PLEKHM3: variants seen among roughly 807,000 people sequenced by gnomAD.
PLEKHM3 encodes the protein pleckstrin homology domain-containing family M member 3.
In PLEKHM3, 45 loss-of-function variants were observed where a neutral mutation model predicts 81.8. The observed-to-expected ratio is 0.55, with a 90% CI of 0.43 to 0.71. The LOEUF is 0.71. Among genes scored for constraint, PLEKHM3 ranks in the 30% least tolerant of loss-of-function variants. PLEKHM3 has a pLI of 0.00. For synonymous variants in PLEKHM3, 352 were observed against 356.4 expected (o/e 0.99, Z 0.14); for missense variants, 788 against 924.3 (o/e 0.85, Z 1.91).
At chr2:207,892,268 T>C (rs183094582) in intron 6 of PLEKHM3, among the ~76,000 whole-genome samples, 95 of 152,356 alleles carry the variant, frequency 6.2e-4, no homozygotes, top group African/African-American at 2.2e-3. Context: ...GCGGTGCTCA[T>C]CATCATTTTT....
At chr2:207,901,048 C>G in intron 6 of PLEKHM3, 1 of 567,604 alleles carries the variant, frequency 1.8e-6, no homozygotes, top group Non-Finnish European at 3.1e-6. Flanking sequence ...ACAGCTGCAG[C>G]CTCAACCGGT....
intron 6 of PLEKHM3, among the ~76,000 whole-genome samples, chr2:207,865,075 A>G (rs2092488087): frequency 6.6e-6 from 1 of 152,118 alleles, no homozygotes; most frequent in Non-Finnish European, 1.5e-5. Flanking sequence ...CTAGTATTAT[A>G]TCTCTTGTTT....
At chr2:207,919,537 A>C (rs919581990) in intron 5 of PLEKHM3, among the ~76,000 whole-genome samples, 1 of 152,152 alleles carries the variant, frequency 6.6e-6, no homozygotes, top group Non-Finnish European at 1.5e-5. Flanking sequence ...AGTGGTGAAA[A>C]GTGGATAGAT....
chr2:207,906,558 G>A (rs1435479928), intron 6 of PLEKHM3, among the ~76,000 whole-genome samples: 1 of 152,194 alleles, frequency 6.6e-6, no homozygotes, highest in Non-Finnish European at 1.5e-5. Flanking sequence ...GGAGGCTGAG[G>A]CAGGCGGATC....
At chr2:207,897,700 C>T (rs1250065128) in intron 6 of PLEKHM3, among the ~76,000 whole-genome samples, 1 of 152,190 alleles carries the variant, frequency 6.6e-6, no homozygotes, top group East Asian at 1.9e-4. Context: ...GAGACCTTTG[C>T]TCCAGGCAGA....
chr2:208,010,610 CA>C (rs1692657501), intron 1 of PLEKHM3, among the ~76,000 whole-genome samples: 1 of 152,182 alleles, frequency 6.6e-6, no homozygotes, highest in African/African-American at 2.4e-5. Context: ...ACAGGAGTCA[CA>C]GGTGAGGTGC....
At chr2:207,862,596 C>G (rs1324878189) in intron 6 of PLEKHM3, among the ~76,000 whole-genome samples, 1 of 152,056 alleles carries the variant, frequency 6.6e-6, no homozygotes, top group Non-Finnish European at 1.5e-5. Flanking sequence ...CAAGGTCACA[C>G]CATTGCACTC....
intron 2 of PLEKHM3, among the ~76,000 whole-genome samples, chr2:207,980,235 GCT>G (rs1691473899): frequency 1.3e-5 from 2 of 152,034 alleles, no homozygotes; most frequent in South Asian, 4.1e-4. Context: ...TTTAATAACA[GCT>G]CCCAGGAATT....
intron 1 of PLEKHM3, among the ~76,000 whole-genome samples, chr2:208,021,553 C>G (rs938378317): frequency 1.3e-5 from 2 of 152,172 alleles, no homozygotes; most frequent in Non-Finnish European, 2.9e-5. Context: ...CAGTATTTGA[C>G]TGTACAATGT....
At chr2:207,972,191 A>G (rs1181597021) in intron 3 of PLEKHM3, among the ~76,000 whole-genome samples, 1 of 152,232 alleles carries the variant, frequency 6.6e-6, no homozygotes, top group Non-Finnish European at 1.5e-5. Flanking sequence ...AGAATGAATG[A>G]AACAACTAAG....
intron 7 of PLEKHM3, among the ~76,000 whole-genome samples, chr2:207,840,806 T>G (rs868424915): frequency 9.2e-5 from 13 of 142,054 alleles, no homozygotes; most frequent in East Asian, 2.0e-4. Flanking sequence ...TATGTTTTTT[T>G]TTTTTTTTTT....
rs775826113 is a variant in PLEKHM3, at chr2:207,977,233, T to G, written c.964A>C (p.Thr322Pro). 2 of 1,614,140 alleles carry G rather than the reference T, an allele frequency of 1.2e-6. No individual in the cohort carries two copies. Among genetic ancestry groups the G allele is most frequent in the Middle Eastern group, 1.6e-4 (1 of 6,062 alleles). Residue 322 changes from threonine to proline, a missense_variant, in exon 3 of 8, where the codon ACA becomes CCA. Physicochemically the swap from Thr to Pro is conservative, Grantham distance 38. Transcript: ENST00000427836. ...PGYMGRQNEL[T>P]ISPGLGHHDD... Reference sequence around the variant, plus strand: ...TGATGGCCAAGCCCTGGTGAGATTGTCAGCTCATTCTGCCGCCCCATGTAA... The same window carrying G: ...TGATGGCCAAGCCCTGGTGAGATTGGCAGCTCATTCTGCCGCCCCATGTAA...
intron 3 of PLEKHM3, among the ~76,000 whole-genome samples, chr2:207,966,717 TA>T (rs1319655240): frequency 6.6e-6 from 1 of 152,064 alleles, no homozygotes; most frequent in African/African-American, 2.4e-5. Context: ...CATGCCCGGC[TA>T]ATTTTTTTTT....
chr2:207,955,056 A>G (rs1690457784), intron 3 of PLEKHM3, among the ~76,000 whole-genome samples: 1 of 152,192 alleles, frequency 6.6e-6, no homozygotes, highest in Non-Finnish European at 1.5e-5. Context: ...ACGTAAGTAA[A>G]TATGTACACC....
At chr2:208,006,982 C>T (rs534392109) in intron 1 of PLEKHM3, among the ~76,000 whole-genome samples, 4 of 152,170 alleles carry the variant, frequency 2.6e-5, no homozygotes, top group Non-Finnish European at 5.9e-5. Context: ...CAGTAGTTCT[C>T]CCACACAGAG....
rs1488816377 is a variant in PLEKHM3 at position 207,826,459 on chromosome 2, T to G, written c.*1860A>C. 1 of 152,182 alleles carries G rather than the reference T, an allele frequency of 6.6e-6. No individual in the cohort carries two copies. Among genetic ancestry groups the G allele is most frequent in the Non-Finnish European group, 1.5e-5 (1 of 68,040 alleles). The allele number at this position is 152,182 out of a possible 1,614,324, so 9.4% of individuals were successfully genotyped here. ...GTAAAAGGCACCGTCAGGCGTCTCA[T>G]GAATAGGGCCCTGGCCTTTTAACAA... On this transcript the variant is annotated 3_prime_UTR_variant, in exon 8 of 8. Transcript: ENST00000427836.
chr2:207,907,702 T>A (rs1186713706), intron 6 of PLEKHM3, among the ~76,000 whole-genome samples: 1 of 152,160 alleles, frequency 6.6e-6, no homozygotes, highest in Non-Finnish European at 1.5e-5. Flanking sequence ...TCACACACCA[T>A]AAAATTTACT....
intron 3 of PLEKHM3, among the ~76,000 whole-genome samples, chr2:207,963,873 C>T (rs1690821408): frequency 6.6e-6 from 1 of 152,080 alleles, no homozygotes; most frequent in Non-Finnish European, 1.5e-5. Context: ...AGGAAATGTG[C>T]CTATATAAAC....
chr2:207,931,697 G>A (rs1689604027), intron 4 of PLEKHM3, among the ~76,000 whole-genome samples: 1 of 152,248 alleles, frequency 6.6e-6, no homozygotes, highest in Non-Finnish European at 1.5e-5. Context: ...TCAAGGCCGG[G>A]TGTGGTGGCT....
Sources: allele counts gnomAD v4.1 joint callset (sites outside exome capture counted in the v4.1 genomes callset), GRCh38; gene constraint gnomAD v4.1.1; transcripts MANE v1.5; gene names NCBI Gene and HGNC (gene_info 2026-07-23, HGNC 2026-07-21).